The following AR variants were observed in gnomAD, a reference collection of about 807,000 sequenced individuals.
AR encodes androgen receptor, also known as dihydrotestosterone receptor.
In AR, 8 loss-of-function variants were observed where a neutral mutation model predicts 53.9. The ratio of observed to expected loss-of-function variants is 0.15; its 90% CI spans 0.09 to 0.27. AR has a LOEUF of 0.27. AR is among the 10% of genes least tolerant of loss of function. AR has a pLI of 1.00. For synonymous variants in AR, 359 were observed against 316.4 expected (o/e 1.13, Z -1.43); for missense variants, 639 against 742.5 (o/e 0.86, Z 1.62).
rs1476933728 is a variant in AR at position 67,696,180 on chromosome X, A to T, written c.1885+10054A>T. Reference sequence around the variant, plus strand: ...TTTTTTTCTCTCTCGTTTGCTTTCCAGGTCATGCTGACCTGTTCAGCTTGG... The same window carrying T: ...TTTTTTTCTCTCTCGTTTGCTTTCCTGGTCATGCTGACCTGTTCAGCTTGG... On this transcript the variant is annotated intron_variant, in intron 3 of 7. Transcript: ENST00000374690. The T allele has an allele frequency of 4.2e-6, 3 of 708,571 alleles. 1 individual carries two copies. Among genetic ancestry groups the T allele is most frequent in the Non-Finnish European group, 5.0e-6 (3 of 604,496 alleles). 58.4% of individuals were successfully genotyped at this position (708,571 alleles called of 1,213,427 possible). A position where few individuals can be genotyped will look rare whatever the true frequency, so the allele number is the denominator to read the frequency against.
intron 2 of AR, among the ~76,000 whole-genome samples, chrX:67,666,117 TG>T (rs1927250706): frequency 9.0e-6 from 1 of 111,283 alleles, no homozygotes; most frequent in Admixed American, 9.6e-5. Flanking sequence ...AAATTATTGT[TG>T]ACTGCAGTCA....
intron 3 of AR, among the ~76,000 whole-genome samples, chrX:67,701,043 A>G (rs1354631739): frequency 2.7e-5 from 3 of 111,837 alleles, no homozygotes; most frequent in Non-Finnish European, 5.6e-5. Flanking sequence ...TCACAGCATT[A>G]TTCAGTAGAA....
At position 67,717,982 on chromosome X, in the gene AR, C is replaced by T. The variant is rs905153277; in HGVS notation, c.2318+360C>T. Among the ~76,000 whole-genome samples, 5 of 112,779 alleles carry T rather than the reference C, an allele frequency of 4.4e-5. No individual in the cohort carries two copies. The South Asian group carries it at 1.8e-3, about 41-fold the overall frequency. ...GGCTGGAGTTTCTTGGGTTCTTTTGCTACCACCAAAGGCTACTTCTAGTCA... is the reference window on the plus strand; with the variant it reads ...GGCTGGAGTTTCTTGGGTTCTTTTGTTACCACCAAAGGCTACTTCTAGTCA... On this transcript the variant is annotated intron_variant, in intron 5 of 7. Coordinates refer to ENST00000374690, the MANE Select transcript of AR (RefSeq NM_000044.6).
intron 3 of AR, among the ~76,000 whole-genome samples, chrX:67,709,734 C>A (rs921465121): frequency 1.8e-5 from 2 of 112,174 alleles, no homozygotes; most frequent in African/African-American, 6.5e-5. Flanking sequence ...GCGTCACTCA[C>A]GCTGGGAGCT....
At chrX:67,693,047 T>C (rs183857531) in intron 3 of AR, among the ~76,000 whole-genome samples, 1 of 112,880 alleles carries the variant, frequency 8.9e-6, no homozygotes, top group East Asian at 2.8e-4. Flanking sequence ...CCAAACCAAA[T>C]TATCTGGGAT....
chrX:67,669,838 T>C (rs2075852174), intron 2 of AR, among the ~76,000 whole-genome samples: 1 of 109,965 alleles, frequency 9.1e-6, no homozygotes, highest in African/African-American at 3.3e-5. Context: ...TTGAAATCTA[T>C]TTTGTCGGAT....
chrX:67,623,809 A>G (rs765351628), intron 1 of AR, among the ~76,000 whole-genome samples: 4 of 111,720 alleles, frequency 3.6e-5, no homozygotes, highest in African/African-American at 6.5e-5. Context: ...TGGGGCCATC[A>G]CTACCTACCT....
intron 3 of AR, among the ~76,000 whole-genome samples, chrX:67,686,752 A>AT (rs773843899): frequency 2.0e-3 from 218 of 110,829 alleles, no homozygotes; most frequent in Non-Finnish European, 2.8e-3. Context: ...TTCCAAAAGC[A>AT]TTTTTTTTCA....
At chrX:67,681,907 T>C (rs955619731) in intron 2 of AR, among the ~76,000 whole-genome samples, 2 of 112,357 alleles carry the variant, frequency 1.8e-5, no homozygotes, top group African/African-American at 6.5e-5. Flanking sequence ...ACTAGTATTG[T>C]TTCTAGAATG....
At chrX:67,643,911 C>G (rs899011148) in intron 2 of AR, among the ~76,000 whole-genome samples, 3 of 111,725 alleles carry the variant, frequency 2.7e-5, no homozygotes, top group African/African-American at 6.5e-5. Context: ...CCTGCTCCCT[C>G]CTGTTGTGGC....
At chrX:67,619,003 G>A (rs1348991409) in intron 1 of AR, among the ~76,000 whole-genome samples, 1 of 111,433 alleles carries the variant, frequency 9.0e-6, no homozygotes, top group African/African-American at 3.3e-5. Flanking sequence ...GTTTTCACTT[G>A]GTCATTTAAT....
At chrX:67,682,990 T>G (rs1484522483) in intron 2 of AR, among the ~76,000 whole-genome samples, 1 of 112,458 alleles carries the variant, frequency 8.9e-6, no homozygotes, top group East Asian at 2.8e-4. Flanking sequence ...AACACATGTG[T>G]CATGTGTACC....
At position 67,637,168 on chromosome X, in the gene AR, GT is replaced by G. The variant is rs1017818869; in HGVS notation, c.1617-6078del. The stretch of plus-strand genomic sequence containing the variant: ...AAATTTAAGGGCACAACACCATATT[GT>G]TTTTTTTTTATTTTATTATTATTAT... On this transcript the variant is annotated intron_variant, in intron 1 of 7. Transcript: ENST00000374690. 1.2e-3 allele frequency among the ~76,000 whole-genome samples: 125 copies of G among 104,995 alleles called. 2 individuals are homozygous for G. The highest frequency in any genetic ancestry group is 2.6e-3 in the African/African-American group (77 of 29,091). 91.2% of individuals were successfully genotyped at this position (104,995 alleles called of 115,157 possible).
chrX:67,652,790 C>T (rs985628736), intron 2 of AR, among the ~76,000 whole-genome samples: 2 of 111,927 alleles, frequency 1.8e-5, no homozygotes, highest in African/African-American at 6.5e-5. Context: ...AACTGTATGT[C>T]TTCCTCCCTA....
At chrX:67,621,645 G>T (rs747493337) in intron 1 of AR, among the ~76,000 whole-genome samples, 1 of 111,258 alleles carries the variant, frequency 9.0e-6, no homozygotes, top group African/African-American at 3.3e-5. Flanking sequence ...TGCTGAGAAT[G>T]ATGGTTTCCA....
At chrX:67,721,992 C>T (rs2076138133) in intron 6 of AR, 29 bp downstream of exon 6, 8 of 1,205,936 alleles carry the variant, frequency 6.6e-6, no homozygotes, top group Non-Finnish European at 9.0e-6. Context: ...AGGGAATGCC[C>T]CCTGAGGGCA....
intron 3 of AR, among the ~76,000 whole-genome samples, chrX:67,687,647 G>A (rs1479817077): frequency 2.7e-5 from 3 of 111,846 alleles, no homozygotes; most frequent in Non-Finnish European, 3.8e-5. Context: ...AAGAAAAAAT[G>A]TTCTCCATAT....
intron 1 of AR, among the ~76,000 whole-genome samples, chrX:67,625,974 G>C (rs1441267468): frequency 1.8e-5 from 2 of 110,952 alleles, no homozygotes; most frequent in Non-Finnish European, 3.8e-5. Flanking sequence ...TATTTATGGG[G>C]TATATGAGAT....
At chrX:67,714,242 T>C (rs1285432989) in intron 4 of AR, among the ~76,000 whole-genome samples, 1 of 112,134 alleles carries the variant, frequency 8.9e-6, no homozygotes, top group Non-Finnish European at 1.9e-5. Context: ...TCTCTGTGCT[T>C]CTGTGTCCTC....
Sources: gnomAD v4.1 joint callset for allele counts (sites outside exome capture counted in the v4.1 genomes callset) on GRCh38, gnomAD v4.1.1 for gene constraint, MANE v1.5 for transcripts, NCBI Gene and HGNC (gene_info 2026-07-23, HGNC 2026-07-21) for gene names.